The following ME3 variants were observed in gnomAD, a reference collection of about 807,000 sequenced individuals.
ME3 encodes the protein malic enzyme 3.
Under a neutral mutation model 68.9 loss-of-function variants are expected in ME3, and 48 were observed. The ratio of observed to expected loss-of-function variants is 0.70; its 90% CI spans 0.55 to 0.89. ME3 has a LOEUF of 0.89. ME3 is among the 40% of genes least tolerant of loss of function. The probability of loss-of-function intolerance (pLI) is 0.00; values close to 1 mark genes in which losing one functional copy is unlikely to be tolerated. For synonymous variants in ME3, 320 were observed against 318.8 expected (o/e 1.00, Z -0.04); for missense variants, 675 against 797.4 (o/e 0.85, Z 1.85).
At chr11:86,595,320 G>GAGAGAGACAGAC (rs1554996001) in intron 2 of ME3, among the ~76,000 whole-genome samples, 1 of 138,642 alleles carries the variant, frequency 7.2e-6, no homozygotes, top group African/African-American at 2.7e-5. Flanking sequence ...GAGAGAGAGA[G>GAGAGAGACAGAC]AGAGAGAGAG....
chr11:86,521,431 A>AAAAAAAAAAATAATAAT lies in ME3; in HGVS notation c.468-12565_468-12564insATTATTATTTTTTTTTT, dbSNP rs1271326906. 2.1e-5 allele frequency among the ~76,000 whole-genome samples: 3 copies of AAAAAAAAAAATAATAAT among 145,924 alleles called. No homozygotes were observed. The South Asian group carries it at 6.6e-4, about 32-fold the overall frequency. The stretch of plus-strand genomic sequence containing the variant: ...AACAAAACAAAACAAAACAAAACAA[A>AAAAAAAAAAATAATAAT]AATAATAATAATAATAATAATAAAA... On this transcript the variant is annotated intron_variant, in intron 4 of 14. Coordinates refer to ENST00000543262, the Ensembl canonical transcript of ME3.
At chr11:86,508,654 G>T in intron 5 of ME3, 138 bp downstream of exon 5, 1 of 741,046 alleles carries the variant, frequency 1.3e-6, no homozygotes. Flanking sequence ...GGCTATAACA[G>T]GTCTGTGGCT....
rs986921000 is a variant in ME3 at position 86,526,074 on chromosome 11, G to A, written c.468-17207C>T. Among the ~76,000 whole-genome samples the A allele has an allele frequency of 7.9e-5, 12 of 152,334 alleles. No individual in the cohort carries two copies. In the South Asian group the frequency reaches 1.7e-3, roughly 21 times the overall value. On this transcript the variant is annotated intron_variant, in intron 4 of 14. Coordinates refer to ENST00000543262, the Ensembl canonical transcript of ME3. Reference sequence around the variant, plus strand: ...ATGAGCCGAAGCAGGGCGAGGCATTGCCTCACCCAGGAAGCACAAGGGGTC... The same window carrying A: ...ATGAGCCGAAGCAGGGCGAGGCATTACCTCACCCAGGAAGCACAAGGGGTC...
At chr11:86,514,872 G>A (rs1432994246) in intron 4 of ME3, among the ~76,000 whole-genome samples, 1 of 152,100 alleles carries the variant, frequency 6.6e-6, no homozygotes, top group Admixed American at 6.5e-5. Flanking sequence ...TTAAAAGTGT[G>A]GGCTCGGGAG....
At chr11:86,446,597 G>T in intron 12 of ME3, 110 bp from the exon 13 acceptor site, 2 of 1,042,252 alleles carry the variant, frequency 1.9e-6, no homozygotes, top group Non-Finnish European at 2.8e-6. Flanking sequence ...TCTCCCAAAC[G>T]CCCAGCACTG....
chr11:86,475,208 A>G (rs540089553), intron 7 of ME3, among the ~76,000 whole-genome samples: 1 of 152,158 alleles, frequency 6.6e-6, no homozygotes, highest in Non-Finnish European at 1.5e-5. Flanking sequence ...TGAATGGTTT[A>G]GTACCATCCC....
At chr11:86,463,456 C>G (rs1031065827) in intron 8 of ME3, among the ~76,000 whole-genome samples, 15 of 152,322 alleles carry the variant, frequency 9.8e-5, no homozygotes, top group Admixed American at 4.6e-4. Flanking sequence ...ATGCTTCCCC[C>G]CACCAGCGCA....
At chr11:86,610,997 C>T (rs983993392) in intron 2 of ME3, among the ~76,000 whole-genome samples, 11 of 152,124 alleles carry the variant, frequency 7.2e-5, no homozygotes, top group African/African-American at 2.4e-4. Context: ...TCAAGCCAAC[C>T]TGACTTCCTA....
chr11:86,568,546 G>A (rs1003193923), intron 2 of ME3, among the ~76,000 whole-genome samples: 3 of 152,196 alleles, frequency 2.0e-5, no homozygotes, highest in African/African-American at 7.2e-5. Flanking sequence ...GCTCAGCCAT[G>A]CCCAAGTTAC....
chr11:86,511,430 G>A (rs956280288), intron 4 of ME3, among the ~76,000 whole-genome samples: 7 of 152,038 alleles, frequency 4.6e-5, no homozygotes, highest in African/African-American at 1.7e-4. Context: ...CTTTGAAACC[G>A]CCTTTGCAAA....
chr11:86,646,481 G>A (rs1393331516), intron 2 of ME3, among the ~76,000 whole-genome samples: 1 of 152,174 alleles, frequency 6.6e-6, no homozygotes, highest in Non-Finnish European at 1.5e-5. Flanking sequence ...GTAAAATAAA[G>A]CATGAAGACA....
chr11:86,614,265 T>A (rs373037534), intron 2 of ME3, among the ~76,000 whole-genome samples: 1 of 152,224 alleles, frequency 6.6e-6, no homozygotes, highest in Admixed American at 6.5e-5. Context: ...TTCAAACTCA[T>A]GTCTGGCTGA....
intron 2 of ME3, among the ~76,000 whole-genome samples, chr11:86,646,042 C>A (rs1432185545): frequency 1.3e-5 from 2 of 152,202 alleles, no homozygotes; most frequent in South Asian, 2.1e-4. Flanking sequence ...AAAACCCCAT[C>A]TGAAGGTCAC....
At chr11:86,464,350 C>T (rs896214270) in intron 8 of ME3, among the ~76,000 whole-genome samples, 1 of 152,168 alleles carries the variant, frequency 6.6e-6, no homozygotes. Flanking sequence ...GAGATGAATC[C>T]CTTTCCACTC....
intron 6 of ME3, among the ~76,000 whole-genome samples, chr11:86,497,712 A>G (rs1952451077): frequency 6.6e-6 from 1 of 152,094 alleles, no homozygotes; most frequent in African/African-American, 2.4e-5. Context: ...GTGGGTACAG[A>G]GGGCCTCATG....
intron 7 of ME3, among the ~76,000 whole-genome samples, chr11:86,467,836 C>T (rs992136064): frequency 2.6e-5 from 4 of 152,078 alleles, no homozygotes; most frequent in Non-Finnish European, 5.9e-5. Context: ...AGAAACCCCC[C>T]TCCCTCCCAT....
intron 8 of ME3, among the ~76,000 whole-genome samples, chr11:86,453,886 T>C (rs764429255): frequency 6.6e-6 from 1 of 152,236 alleles, no homozygotes; most frequent in Non-Finnish European, 1.5e-5. Context: ...CACCTCCTCT[T>C]TCCTTTGTTC....
rs574540736 is a variant in ME3, at chr11:86,531,620, A to C, written c.468-22753T>G. 6.8e-3 allele frequency among the ~76,000 whole-genome samples: 1,041 copies of C among 152,286 alleles called. 9 individuals are homozygous for C. Among genetic ancestry groups the C allele is most frequent in the African/African-American group, 0.023 (949 of 41,542 alleles). ...AACCCAAATGTCCAACAATGATAGA[A>C]TGGATTAAGAAAATGTGGCACATAT... On this transcript the variant is annotated intron_variant, in intron 4 of 14. Coordinates refer to ENST00000543262, the Ensembl canonical transcript of ME3.
intron 6 of ME3, among the ~76,000 whole-genome samples, chr11:86,493,985 A>G (rs1439498148): frequency 6.6e-6 from 1 of 151,810 alleles, no homozygotes; most frequent in African/African-American, 2.4e-5. Context: ...GTTACATCTC[A>G]GGCTTGCTCT....
Sources: gnomAD v4.1 joint callset for allele counts (sites outside exome capture counted in the v4.1 genomes callset) on GRCh38, gnomAD v4.1.1 for gene constraint, MANE v1.5 for transcripts, NCBI Gene and HGNC (gene_info 2026-07-23, HGNC 2026-07-21) for gene names.